GRM1: variants seen among roughly 807,000 people sequenced by gnomAD.
The protein encoded by GRM1 is metabotropic glutamate receptor 1.
GRM1 carries 33 observed loss-of-function variants against 90.9 expected under a neutral mutation model. The observed-to-expected ratio is 0.36, with a 90% CI of 0.28 to 0.49. The LOEUF (loss-of-function observed/expected upper bound fraction) is 0.49. GRM1 is among the 20% of genes least tolerant of loss of function. GRM1 has a pLI of 0.99. For synonymous variants in GRM1, 700 were observed against 613.2 expected, an observed-to-expected ratio of 1.14 and a Z score of -2.09; for missense variants, 1,190 against 1,534.3, an observed-to-expected ratio of 0.78 and a Z score of 3.75.
chr6:146,054,620 C>G (rs536757675), intron 1 of GRM1, among the ~76,000 whole-genome samples: 3 of 152,070 alleles, frequency 2.0e-5, no homozygotes, highest in Admixed American at 2.0e-4. Context: ...ACATTCATTT[C>G]TCACATTTAT....
rs538354995 is a variant in GRM1, at chr6:146,163,937, T to C, written c.950+4340T>C. ...TTTATCTTAACATGGGACTTTACAATGTCATTCTCTTTGCACACCAGGCTT... is the reference window on the plus strand; with the variant it reads ...TTTATCTTAACATGGGACTTTACAACGTCATTCTCTTTGCACACCAGGCTT... On this transcript the variant is annotated intron_variant, in intron 2 of 7. Transcript: ENST00000282753. Among the ~76,000 whole-genome samples the C allele has an allele frequency of 8.5e-5, 13 of 152,300 alleles. No homozygotes were observed. The East Asian group carries it at 2.5e-3, about 29-fold the overall frequency.
chr6:146,379,020 T>A (rs971306967), intron 5 of GRM1, among the ~76,000 whole-genome samples: 1 of 152,188 alleles, frequency 6.6e-6, no homozygotes, highest in Non-Finnish European at 1.5e-5. Context: ...TCAAACCTTT[T>A]TCCTTTATAA....
intron 2 of GRM1, among the ~76,000 whole-genome samples, chr6:146,253,658 G>T (rs1158090682): frequency 6.6e-6 from 1 of 152,036 alleles, no homozygotes; most frequent in Non-Finnish European, 1.5e-5. Context: ...TTTTCTCAAG[G>T]TGCATAATCT....
intron 1 of GRM1, among the ~76,000 whole-genome samples, chr6:146,095,307 G>A (rs903746837): frequency 3.9e-5 from 6 of 152,094 alleles, no homozygotes; most frequent in Non-Finnish European, 7.4e-5. Context: ...CAAATGGTGA[G>A]CAGATTGATC....
At position 146,077,057 on chromosome 6, in the gene GRM1, G is replaced by A. The variant is rs770839921; in HGVS notation, c.700+46840G>A. 4.6e-5 allele frequency among the ~76,000 whole-genome samples: 7 copies of A among 152,066 alleles called. No homozygotes were observed. In the South Asian group the frequency reaches 6.2e-4, roughly 14 times the overall value. The stretch of plus-strand genomic sequence containing the variant: ...ACAGAGACTGATAGTAGGATATTTC[G>A]TTATTTTGGAATTTGAATGAAAAAT... On this transcript the variant is annotated intron_variant, in intron 1 of 7. Transcript: ENST00000282753.
intron 2 of GRM1, among the ~76,000 whole-genome samples, chr6:146,286,220 A>C (rs1782762031): frequency 6.6e-6 from 1 of 152,150 alleles, no homozygotes; most frequent in African/African-American, 2.4e-5. Context: ...CTGACACCTA[A>C]ATATGTAACT....
chr6:146,066,242 C>T (rs1415145754), intron 1 of GRM1, among the ~76,000 whole-genome samples: 3 of 152,086 alleles, frequency 2.0e-5, no homozygotes, highest in Non-Finnish European at 4.4e-5. Context: ...CTCTTGTATT[C>T]CCCAGTGTCT....
intron 1 of GRM1, among the ~76,000 whole-genome samples, chr6:146,067,741 C>CA (rs1775894576): frequency 6.6e-6 from 1 of 151,784 alleles, no homozygotes. Flanking sequence ...AAAAACAAAA[C>CA]AAAACAACAA....
At chr6:146,243,046 A>T (rs1482806493) in intron 2 of GRM1, among the ~76,000 whole-genome samples, 1 of 152,126 alleles carries the variant, frequency 6.6e-6, no homozygotes, top group African/African-American at 2.4e-5. Flanking sequence ...TAATTAAGTA[A>T]GCCAGAGGCA....
chr6:146,170,924 G>T (rs1778096525), intron 2 of GRM1, among the ~76,000 whole-genome samples: 1 of 151,652 alleles, frequency 6.6e-6, no homozygotes. Context: ...TCTTCTCTGG[G>T]GCTTGATTTT....
intron 3 of GRM1, among the ~76,000 whole-genome samples, chr6:146,307,720 T>C (rs1381958226): frequency 1.3e-5 from 2 of 152,210 alleles, no homozygotes; most frequent in Non-Finnish European, 2.9e-5. Context: ...TTACCTCTTC[T>C]AATTGGGTCA....
intron 1 of GRM1, among the ~76,000 whole-genome samples, chr6:146,121,113 G>C (rs907068196): frequency 2.0e-5 from 3 of 152,116 alleles, no homozygotes; most frequent in Admixed American, 2.0e-4. Context: ...TTCAATTTCA[G>C]AGCCTCTTAT....
intron 3 of GRM1, among the ~76,000 whole-genome samples, chr6:146,335,271 G>C (rs1044951246): frequency 2.0e-5 from 3 of 152,096 alleles, no homozygotes; most frequent in African/African-American, 7.2e-5. Context: ...TTTATGTAAT[G>C]TTCTTTCTTC....
chr6:146,402,603 A>G (rs774737468), intron 7 of GRM1, among the ~76,000 whole-genome samples: 3 of 152,116 alleles, frequency 2.0e-5, no homozygotes, highest in Non-Finnish European at 2.9e-5. Flanking sequence ...TCCTACATTT[A>G]TGGTACACTG....
intron 7 of GRM1, among the ~76,000 whole-genome samples, chr6:146,404,947 A>C (rs1226011832): frequency 6.6e-6 from 1 of 152,214 alleles, no homozygotes; most frequent in African/African-American, 2.4e-5. Flanking sequence ...GTTGAATCCA[A>C]GACATGCATA....
intron 6 of GRM1, among the ~76,000 whole-genome samples, chr6:146,390,296 T>C (rs1356640408): frequency 6.6e-6 from 1 of 152,044 alleles, no homozygotes; most frequent in Non-Finnish European, 1.5e-5. Context: ...ATGTGGTTTT[T>C]TTTGGCTATG....
At chr6:146,341,273 A>C (rs1473612330) in intron 3 of GRM1, among the ~76,000 whole-genome samples, 2 of 152,154 alleles carry the variant, frequency 1.3e-5, no homozygotes, top group Non-Finnish European at 2.9e-5. Context: ...CAGTATGTTA[A>C]GATTTCTGTC....
intron 2 of GRM1, among the ~76,000 whole-genome samples, chr6:146,194,985 T>C (rs572651442): frequency 6.6e-6 from 1 of 152,340 alleles, no homozygotes; most frequent in South Asian, 2.1e-4. Flanking sequence ...TTAAATGAGT[T>C]ACTACATGTA....
At position 146,092,405 on chromosome 6, in the gene GRM1, A is replaced by G. The variant is rs536612305; in HGVS notation, c.700+62188A>G. Among the ~76,000 whole-genome samples, 3 of 152,224 alleles carry G rather than the reference A, an allele frequency of 2.0e-5. No homozygotes were observed. In the East Asian group the frequency reaches 5.8e-4, roughly 29 times the overall value. On this transcript the variant is annotated intron_variant, in intron 1 of 7. Transcript: ENST00000282753. ...CTATCTTCACCTTTTGCAGGTATCT[A>G]TTACCTCAAACCTTGGTCATTTTTG...
Sources: allele counts gnomAD v4.1 joint callset (sites outside exome capture counted in the v4.1 genomes callset), GRCh38; gene constraint gnomAD v4.1.1; transcripts MANE v1.5; gene names NCBI Gene and HGNC (gene_info 2026-07-23, HGNC 2026-07-21).